MSL1: variants seen among roughly 807,000 people sequenced by gnomAD.
MSL1 encodes the protein male-specific lethal 1 homolog.
MSL1 carries 21 observed loss-of-function variants against 64.6 expected under a neutral mutation model. The observed-to-expected ratio is 0.33, with a 90% CI of 0.23 to 0.47. The LOEUF (loss-of-function observed/expected upper bound fraction) is 0.47, where lower values mean the gene tolerates loss of function less well. Among genes scored for constraint, MSL1 ranks in the 20% least tolerant of loss-of-function variants. The probability of loss-of-function intolerance (pLI) is 1.00; values close to 1 mark genes in which losing one functional copy is unlikely to be tolerated. For synonymous variants in MSL1, 339 were observed against 329.6 expected (o/e 1.03, Z -0.31); for missense variants, 664 against 793.2 (o/e 0.84, Z 1.96).
At position 40,132,973 on chromosome 17, in the gene MSL1, ATTAG is replaced by A. The variant is rs550201977; in HGVS notation, c.1489-63_1489-60del. On this transcript the variant is annotated intron_variant, in intron 5 of 8. Coordinates refer to ENST00000398532, the MANE Select transcript of MSL1 (RefSeq NM_001365919.1). ...GATTTTACGTTCCTGGAAGCTGGAA[ATTAG>A]TTAGTATATGTGTGTAACTAATATA... is the stretch of plus-strand genomic sequence containing the variant. 1.1e-3 allele frequency: 1,632 copies of A among 1,435,942 alleles called. 13 individuals are homozygous for A. In the African/African-American group the frequency reaches 0.011, roughly 10 times the overall value. 89.0% of individuals were successfully genotyped at this position (1,435,942 alleles called of 1,614,324 possible).
rs145210410 is a variant in MSL1, at chr17:40,132,646, A to C, written c.1489-396A>C. Among the ~76,000 whole-genome samples, 247 of 152,028 alleles carry C rather than the reference A, an allele frequency of 1.6e-3. 1 individual carries two copies. Among genetic ancestry groups the C allele is most frequent in the Middle Eastern group, 3.4e-3 (1 of 294 alleles). On this transcript the variant is annotated intron_variant, in intron 5 of 8. Coordinates refer to ENST00000398532, the MANE Select transcript of MSL1 (RefSeq NM_001365919.1). ...GGAGTGACTCCATCACACACACACA[A>C]AAAAAAGCATGTACCCCTCAACCAT...
rs963834723 is a variant in MSL1, at chr17:40,134,605, C to T, written c.*236C>T. 7.8e-6 allele frequency: 4 copies of T among 512,532 alleles called. No homozygotes were observed. The highest frequency in any genetic ancestry group is 3.3e-5 in the Admixed American group (1 of 30,470). The allele number at this position is 512,532 out of a possible 1,614,324, so 31.7% of individuals were successfully genotyped here. A position where few individuals can be genotyped will look rare whatever the true frequency, so the allele number is the denominator to read the frequency against. ...TTTTCCCTTTTTTGGGAAATGGGCT[C>T]TCAAGCTAAAGCTATAGGATGGCAG... On this transcript the variant is annotated 3_prime_UTR_variant, in exon 9 of 9. Transcript: ENST00000398532.
At position 40,122,442 on chromosome 17, in the gene MSL1, G is replaced by A; in HGVS notation, c.-171G>A. 2.3e-6 allele frequency: 1 copy of A among 428,992 alleles called. No individual in the cohort carries two copies. Among genetic ancestry groups the A allele is most frequent in the Non-Finnish European group, 3.9e-6 (1 of 253,200 alleles). The allele number at this position is 428,992 out of a possible 1,614,324, so 26.6% of individuals were successfully genotyped here. A position where few individuals can be genotyped will look rare whatever the true frequency, so the allele number is the denominator to read the frequency against. ...CGCGGCCTCCACGTCTCCGCACGCC[G>A]GCGGGATGGCGCCCGGGCCCCGGAG... On this transcript the variant is annotated 5_prime_UTR_variant, in exon 1 of 9. Transcript: ENST00000398532. The surrounding 1 kb of genome is among the most constrained non-coding windows in gnomAD (Gnocchi z 4.2).
rs1396065589 is a variant in MSL1 at position 40,131,579 on chromosome 17, T to C, written c.1418T>C (p.Leu473Ser). The change falls in exon 4 of 9, where the codon TTG (leucine) becomes TCG (serine). Residue 473 changes from leucine to serine, a missense_variant. This residue lies in a region of MSL1 where 119 missense variants were observed against 164.3 expected (regional missense o/e 0.72). Transcript: ENST00000398532. This position sits in a 1 kb window ranked among gnomAD's most constrained non-coding sequence, Gnocchi z 4.5. ...AGTGTTGCAGGAGAAACTTCAGTCT[T>C]GGCTGGTGAGTAGAATAGGAATTGT... ...PSSVAGETSV[L>S]AVPSWRDHSV... 1 of 1,613,796 alleles carries C rather than the reference T, an allele frequency of 6.2e-7. No homozygotes were observed. The highest frequency in any genetic ancestry group is 8.5e-7 in the Non-Finnish European group (1 of 1,179,766).
chr17:40,134,462 T>C lies in MSL1; in HGVS notation c.*93T>C, dbSNP rs1988503099. 1.0e-6 allele frequency: 1 copy of C among 1,002,462 alleles called. No homozygotes were observed. Among genetic ancestry groups the C allele is most frequent in the Non-Finnish European group, 1.5e-6 (1 of 652,656 alleles). 62.1% of individuals were successfully genotyped at this position (1,002,462 alleles called of 1,614,324 possible). Reference sequence around the variant, plus strand: ...TATATGTGACCTTTGTCCTCACATATGTTATCACTCGCTGATAATACCCTT... The same window carrying C: ...TATATGTGACCTTTGTCCTCACATACGTTATCACTCGCTGATAATACCCTT... On this transcript the variant is annotated 3_prime_UTR_variant, in exon 9 of 9. Transcript: ENST00000398532.
In MSL1 at chr17:40,126,332, G is replaced by C. The variant is rs368491405; in HGVS notation, c.918G>C (p.Pro306=). ...LSEKIKLECQ[P]ELSETSQTLP... ...AGAAAATTAAACTGGAGTGCCAGCC[G>C]GAGCTTTCCGAGACATCCCAGACTC... Residue 306 remains proline (P), a synonymous_variant, in exon 2 of 9, where the codon CCG becomes CCC. Coordinates refer to ENST00000398532, the MANE Select transcript of MSL1 (RefSeq NM_001365919.1). 6.2e-7 allele frequency: 1 copy of C among 1,613,976 alleles called. No individual in the cohort carries two copies. The highest frequency in any genetic ancestry group is 1.1e-5 in the South Asian group (1 of 91,066).
In MSL1 at chr17:40,135,954, A is replaced by G. The variant is rs1988532039; in HGVS notation, c.*1585A>G. ...GTAAACTTCATTGCAGCAAGGATGT[A>G]GAGAGAAATAGGACTTAATTCCACT... On this transcript the variant is annotated 3_prime_UTR_variant, in exon 9 of 9. Coordinates refer to ENST00000398532, the MANE Select transcript of MSL1 (RefSeq NM_001365919.1). 1 of 152,254 alleles carries G rather than the reference A, an allele frequency of 6.6e-6. No homozygotes were observed. 9.4% of individuals were successfully genotyped at this position (152,254 alleles called of 1,614,324 possible). A position where few individuals can be genotyped will look rare whatever the true frequency, so the allele number is the denominator to read the frequency against.
At position 40,131,475 on chromosome 17, in the gene MSL1, T is replaced by G; in HGVS notation, c.1376-62T>G. ...ACTTCAGTGATGATCCTTTCCTCCA[T>G]TTGGGGTATGGGCTTTTTTTCTTTT... is the stretch of plus-strand genomic sequence containing the variant. On this transcript the variant is annotated intron_variant, in intron 3 of 8. Coordinates refer to ENST00000398532, the MANE Select transcript of MSL1 (RefSeq NM_001365919.1). The surrounding 1 kb of genome is among the most constrained non-coding windows in gnomAD (Gnocchi z 4.5). 64 of 1,426,232 alleles carry G rather than the reference T, an allele frequency of 4.5e-5. No homozygotes were observed. The highest frequency in any genetic ancestry group is 6.0e-5 in the Non-Finnish European group (61 of 1,012,126). 88.3% of individuals were successfully genotyped at this position (1,426,232 alleles called of 1,614,324 possible).
chr17:40,126,512 G>A (rs1988319135), intron 2 of MSL1, 106 bp downstream of exon 2: 4 of 1,095,796 alleles, frequency 3.7e-6, no homozygotes, highest in Admixed American at 2.1e-5. Flanking sequence ...TGCTTTAGAA[G>A]TCTTCTATGC....
chr17:40,133,399 T>C, intron 6 of MSL1, 135 bp from the exon 7 acceptor site: 3 of 1,152,088 alleles, frequency 2.6e-6, no homozygotes, highest in Non-Finnish European at 3.6e-6. Context: ...AAGGCAGTCA[T>C]TTCTCTTTAC....
chr17:40,132,605 C>T (rs1173860517), intron 5 of MSL1, among the ~76,000 whole-genome samples: 2 of 152,182 alleles, frequency 1.3e-5, no homozygotes, highest in African/African-American at 4.8e-5. Flanking sequence ...CACCACTGCA[C>T]TCCAGCCTGG....
At chr17:40,127,939 ACG>A (rs1267162553) in intron 2 of MSL1, among the ~76,000 whole-genome samples, 2 of 152,158 alleles carry the variant, frequency 1.3e-5, no homozygotes, top group Admixed American at 6.5e-5. Context: ...CCTGGCTAAC[ACG>A]GTGAAACCCT....
rs1988209033 is a variant in MSL1, at chr17:40,122,679, C to G, written c.67C>G (p.Leu23Val). The G allele has an allele frequency of 4.0e-6, 6 of 1,491,040 alleles. No individual in the cohort carries two copies. Among genetic ancestry groups the G allele is most frequent in the Non-Finnish European group, 5.3e-6 (6 of 1,127,778 alleles). The allele number at this position is 1,491,040 out of a possible 1,614,324, so 92.4% of individuals were successfully genotyped here. ...APAGGNPEQR[L>V]DYERAAALGG... ...TGCCGGCGGCAATCCTGAGCAGCGA[C>G]TGGACTACGAGCGGGCTGCGGCGCT... Residue 23 changes from leucine to valine, a missense_variant, in exon 1 of 9, where the codon CTG becomes GTG. Around this residue, in one of 4 missense-constraint regions of MSL1, gnomAD observed 466 missense variants for 499.0 expected, o/e 0.93. Coordinates refer to ENST00000398532, the MANE Select transcript of MSL1 (RefSeq NM_001365919.1). The surrounding 1 kb of genome is among the most constrained non-coding windows in gnomAD (Gnocchi z 4.2).
At chr17:40,124,149 C>T (rs1262766405) in intron 1 of MSL1, among the ~76,000 whole-genome samples, 1 of 152,088 alleles carries the variant, frequency 6.6e-6, no homozygotes, top group Non-Finnish European at 1.5e-5. Flanking sequence ...GCTTGGACGA[C>T]ACAGGCTTGT....
At position 40,136,220 on chromosome 17, in the gene MSL1, G is replaced by A. The variant is rs1988537123; in HGVS notation, c.*1851G>A. On this transcript the variant is annotated 3_prime_UTR_variant, in exon 9 of 9. Transcript: ENST00000398532. ...GTCGGGTTCCTAATTTTGGGTATGA[G>A]TTAGCAAATTTAACCATTGTGTTTG... 1 of 152,428 alleles carries A rather than the reference G, an allele frequency of 6.6e-6. No individual in the cohort carries two copies. The highest frequency in any genetic ancestry group is 1.5e-5 in the Non-Finnish European group (1 of 68,038). 9.4% of individuals were successfully genotyped at this position (152,428 alleles called of 1,614,324 possible). A position where few individuals can be genotyped will look rare whatever the true frequency, so the allele number is the denominator to read the frequency against.
chr17:40,126,364 C>CTT lies in MSL1; in HGVS notation c.950_951insTT (p.Lys318SerfsTer65). 1 of 1,613,932 alleles carries CTT rather than the reference C, an allele frequency of 6.2e-7. No homozygotes were observed. On this transcript the variant is annotated frameshift_variant, in exon 2 of 9. Coordinates refer to ENST00000398532, the MANE Select transcript of MSL1 (RefSeq NM_001365919.1). LOFTEE classifies it high-confidence loss of function. ...TCCGAGACATCCCAGACTCTGCCTC[C>CTT]CAAGCCCTTCTCATGTGGGCGGAGT...
intron 4 of MSL1, 29 bp from the exon 5 acceptor site, chr17:40,132,005 C>T (rs1567670461): frequency 1.3e-6 from 2 of 1,540,044 alleles, no homozygotes; most frequent in East Asian, 4.7e-5. Context: ...ACCCCTCCTC[C>T]CTTTCTTTTT....
chr17:40,126,279 G>A lies in MSL1; in HGVS notation c.865G>A (p.Glu289Lys). The change falls in exon 2 of 9, where the codon GAA becomes AAA. Residue 289 changes from glutamate (E) to lysine (K), a missense_variant. Transcript: ENST00000398532. ...CAAGCTGTTTCAGGGCTATGAAACT[G>A]AAGAGAGAGAGGAAACAGAGCTATC... ...RHKLFQGYET[E>K]EREETELSEK... The A allele has an allele frequency of 6.2e-7, 1 of 1,614,050 alleles. No homozygotes were observed. Among genetic ancestry groups the A allele is most frequent in the Non-Finnish European group, 8.5e-7 (1 of 1,179,892 alleles).
At position 40,123,165 on chromosome 17, in the gene MSL1, CCCACCG is replaced by C. The variant is rs771688144; in HGVS notation, c.562_567del (p.Thr188_Ala189del). 6.5e-7 allele frequency: 1 copy of C among 1,534,474 alleles called. No individual in the cohort carries two copies. The highest frequency in any genetic ancestry group is 2.5e-5 in the East Asian group (1 of 40,816). On this transcript the variant is annotated inframe_deletion, in exon 1 of 9. Coordinates refer to ENST00000398532, the MANE Select transcript of MSL1 (RefSeq NM_001365919.1). ...TCTGCCCGGGCCGCCACCCCTCGCG[CCCACCG>C]CCACCGCCGGGACCCTGGCGGCCAG...
Sources: gnomAD v4.1 joint callset for allele counts (sites outside exome capture counted in the v4.1 genomes callset) on GRCh38, gnomAD v4.1.1 for gene constraint, gnomAD v4.1.1 regional missense constraint, Gnocchi (gnomAD v3.1) non-coding constraint, MANE v1.5 for transcripts, NCBI Gene and HGNC (gene_info 2026-07-23, HGNC 2026-07-21) for gene names.